The following WDR93 variants were observed in gnomAD, a reference collection of about 807,000 sequenced individuals.
WDR93 encodes the protein WD repeat-containing protein 93.
WDR93 carries 73 observed loss-of-function variants against 82.9 expected under a neutral mutation model. The ratio of observed to expected loss-of-function variants is 0.88; its 90% CI spans 0.73 to 1.07. WDR93 has a LOEUF of 1.07. Among genes scored for constraint, WDR93 ranks in the 50% least tolerant of loss-of-function variants. The pLI is 0.00. For synonymous variants in WDR93, 283 were observed against 300.1 expected (o/e 0.94, Z 0.59); for missense variants, 738 against 826.0 (o/e 0.89, Z 1.31).
Position 89,729,729 on chromosome 15 carries a change from C to A in WDR93, c.1170C>A (p.Phe390Leu), listed in dbSNP as rs1182651994. 1 of 1,613,340 alleles carries A rather than the reference C, an allele frequency of 6.2e-7. No homozygotes were observed. The highest frequency in any genetic ancestry group is 1.7e-5 in the Admixed American group (1 of 59,894). The change falls in exon 11 of 17, where the codon TTC (phenylalanine) becomes TTA (leucine). Residue 390 changes from phenylalanine (F) to leucine (L), a missense_variant. Transcript: ENST00000268130. ...TACACTGGACCAGAAGTCACAATTT[C>A]TTCCTGTATTCACTAAACCGAACTC... ...LGIHWTRSHN[F>L]FLYSLNRTLK...
intron 11 of WDR93, among the ~76,000 whole-genome samples, chr15:89,730,265 C>T (rs1966848673): frequency 6.8e-6 from 1 of 146,640 alleles, no homozygotes; most frequent in South Asian, 2.1e-4. Flanking sequence ...GCAGAGGTTG[C>T]AGTGAGCCAA....
chr15:89,712,366 T>TG (rs1966018449), intron 5 of WDR93, among the ~76,000 whole-genome samples: 1 of 146,618 alleles, frequency 6.8e-6, no homozygotes, highest in Non-Finnish European at 1.5e-5. Context: ...CAGATTTTTT[T>TG]TTTCGGATTT....
intron 16 of WDR93, among the ~76,000 whole-genome samples, chr15:89,741,138 TC>T: frequency 7.1e-6 from 1 of 140,430 alleles, no homozygotes; most frequent in African/African-American, 2.8e-5. Flanking sequence ...AGAATCTGTC[TC>T]AAAAAAAATA....
intron 1 of WDR93, among the ~76,000 whole-genome samples, chr15:89,695,813 C>CT (rs58664153): frequency 0.24 from 23,969 of 98,584 alleles, 3,984 homozygotes; most frequent in Middle Eastern, 0.34. Flanking sequence ...TCATGCTGTC[C>CT]TTTTTTTTTT....
intron 16 of WDR93, 63 bp from the exon 17 acceptor site, chr15:89,743,229 T>TG: frequency 6.4e-7 from 1 of 1,566,606 alleles, no homozygotes; most frequent in Non-Finnish European, 8.8e-7. Flanking sequence ...AGGTCTGCCC[T>TG]GGGGGCTCGG....
At chr15:89,729,829 C>T in intron 11 of WDR93, 60 bp downstream of exon 11, 1 of 1,395,360 alleles carries the variant, frequency 7.2e-7, no homozygotes, top group Non-Finnish European at 1.0e-6. Flanking sequence ...TGTCCTTCTC[C>T]AGCTTAGCTA....
intron 8 of WDR93, among the ~76,000 whole-genome samples, chr15:89,723,844 C>A (rs2141667862): frequency 6.6e-6 from 1 of 152,230 alleles, no homozygotes; most frequent in South Asian, 2.1e-4. Flanking sequence ...AAACTAAATT[C>A]CAGATGAACT....
At chr15:89,691,722 A>AAAAT (rs1567089491) in intron 1 of WDR93, among the ~76,000 whole-genome samples, 1 of 150,622 alleles carries the variant, frequency 6.6e-6, no homozygotes, top group Non-Finnish European at 1.5e-5. Context: ...GCTGTCTCAA[A>AAAAT]AAAATAAAAT....
At chr15:89,717,840 C>T (rs890843447) in intron 7 of WDR93, among the ~76,000 whole-genome samples, 1 of 152,134 alleles carries the variant, frequency 6.6e-6, no homozygotes, top group Non-Finnish European at 1.5e-5. Flanking sequence ...TTCACCAAGC[C>T]GAGTAACTTG....
In WDR93 at chr15:89,737,670, A is replaced by G. The variant is rs1208374552; in HGVS notation, c.1706A>G (p.Glu569Gly). Reference protein sequence around the residue: ...AFAPPGAFPLEVPWKPVFAVS... With the variant: ...AFAPPGAFPLGVPWKPVFAVS... Reference sequence around the variant, plus strand: ...GCCCCTCCGGGAGCCTTTCCTCTGGAGGTCCCCTGGAAGCCAGTGTTTGCT... The same window carrying G: ...GCCCCTCCGGGAGCCTTTCCTCTGGGGGTCCCCTGGAAGCCAGTGTTTGCT... The change falls in exon 15 of 17, where the codon GAG (glutamate) becomes GGG (glycine). Residue 569 changes from glutamate (E) to glycine (G), a missense_variant. Coordinates refer to ENST00000268130, the MANE Select transcript of WDR93 (RefSeq NM_020212.2). 6.2e-7 allele frequency: 1 copy of G among 1,614,030 alleles called. No homozygotes were observed. The highest frequency in any genetic ancestry group is 2.2e-5 in the East Asian group (1 of 44,890).
intron 5 of WDR93, among the ~76,000 whole-genome samples, chr15:89,713,130 A>G (rs1478156471): frequency 6.6e-6 from 1 of 151,312 alleles, no homozygotes; most frequent in Non-Finnish European, 1.5e-5. Context: ...ATCTTAAAAA[A>G]AAAAAAAAAA....
intron 1 of WDR93, among the ~76,000 whole-genome samples, chr15:89,697,104 C>T (rs530052277): frequency 3.9e-5 from 6 of 152,152 alleles, no homozygotes; most frequent in Admixed American, 1.3e-4. Context: ...CTGAGGTGCA[C>T]GCCACCCCCA....
chr15:89,741,621 C>G (rs1378203980), intron 16 of WDR93, among the ~76,000 whole-genome samples: 2 of 152,170 alleles, frequency 1.3e-5, no homozygotes, highest in East Asian at 1.9e-4. Flanking sequence ...TACCTTCAGC[C>G]CTTTCCTTTA....
At chr15:89,726,578 C>T (rs1307652897) in intron 8 of WDR93, among the ~76,000 whole-genome samples, 6 of 152,164 alleles carry the variant, frequency 3.9e-5, no homozygotes, top group Admixed American at 6.5e-5. Flanking sequence ...GAAAACTAGT[C>T]ATCCAGTTTT....
chr15:89,728,588 T>C lies in WDR93; in HGVS notation c.1053-435T>C, dbSNP rs114542058. Among the ~76,000 whole-genome samples the C allele has an allele frequency of 7.6e-3, 1,151 of 152,304 alleles. 18 individuals carry two copies. The highest frequency in any genetic ancestry group is 0.026 in the African/African-American group (1,094 of 41,566). On this transcript the variant is annotated intron_variant, in intron 9 of 16. Coordinates refer to ENST00000268130, the MANE Select transcript of WDR93 (RefSeq NM_020212.2). ...CTGTTAGTTGTCCATTGTGGGAGCATTGACACCATGAAAATCTGCAAACCC... is the reference window on the plus strand; with the variant it reads ...CTGTTAGTTGTCCATTGTGGGAGCACTGACACCATGAAAATCTGCAAACCC...
At chr15:89,716,811 A>G in intron 6 of WDR93, 100 bp from the exon 7 acceptor site, 2 of 849,556 alleles carry the variant, frequency 2.4e-6, no homozygotes, top group South Asian at 1.7e-5. Context: ...ATTCACTCAC[A>G]AGAGTAATTG....
At chr15:89,721,388 C>T (rs1732923746) in intron 7 of WDR93, 1 of 152,216 alleles carries the variant, frequency 6.6e-6, no homozygotes, top group African/African-American at 2.4e-5. Context: ...GAGACCTCAT[C>T]TCTGCAAAAC....
At chr15:89,740,148 G>A (rs1436824435) in intron 16 of WDR93, among the ~76,000 whole-genome samples, 1 of 152,202 alleles carries the variant, frequency 6.6e-6, no homozygotes, top group Non-Finnish European at 1.5e-5. Context: ...GGCACAGAGT[G>A]GTTGCTCAGT....
At chr15:89,698,722 CAT>C (rs1491506294) in intron 1 of WDR93, among the ~76,000 whole-genome samples, 2 of 151,958 alleles carry the variant, frequency 1.3e-5, no homozygotes, top group Admixed American at 6.6e-5. Flanking sequence ...TTTTTCTTTA[CAT>C]ATGTTATTAA....
Sources: gnomAD v4.1 joint callset for allele counts (sites outside exome capture counted in the v4.1 genomes callset) on GRCh38, gnomAD v4.1.1 for gene constraint, MANE v1.5 for transcripts, NCBI Gene and HGNC (gene_info 2026-07-23, HGNC 2026-07-21) for gene names.